RXYLT1: variants seen among roughly 807,000 people sequenced by gnomAD.
The protein encoded by RXYLT1 is ribitol xylosyltransferase 1.
In RXYLT1, 41 loss-of-function variants were observed where a neutral mutation model predicts 43.5. That is an observed-to-expected ratio of 0.94 (90% CI 0.73 to 1.22). RXYLT1 has a LOEUF of 1.22. Ranked by LOEUF, RXYLT1 falls within the 50% of genes most tolerant of loss-of-function variation. RXYLT1 has a pLI of 0.00. For synonymous variants in RXYLT1, 166 were observed against 194.4 expected, an observed-to-expected ratio of 0.85 and a Z score of 1.21; for missense variants, 514 against 532.0, an observed-to-expected ratio of 0.97 and a Z score of 0.33.
At chr12:63,801,352 T>A (rs928081712) in intron 3 of RXYLT1, among the ~76,000 whole-genome samples, 1 of 152,204 alleles carries the variant, frequency 6.6e-6, no homozygotes, top group African/African-American at 2.4e-5. Context: ...TTGAGTCAGA[T>A]GAAGAGTGTA....
intron 2 of RXYLT1, 31 bp from the exon 3 acceptor site, chr12:63,784,939 T>C: frequency 6.3e-7 from 1 of 1,581,550 alleles, no homozygotes. Flanking sequence ...CAGTAAATTG[T>C]TTTGATTTTG....
intron 4 of RXYLT1, among the ~76,000 whole-genome samples, chr12:63,803,181 CAAAAAA>C (rs763579072): frequency 4.0e-4 from 9 of 22,602 alleles, no homozygotes; most frequent in African/African-American, 1.2e-3. Flanking sequence ...ACTGTCTCAC[CAAAAAA>C]AAAAAAAAAA....
At position 63,808,995 on chromosome 12, in the gene RXYLT1, A is replaced by C; in HGVS notation, c.1235A>C (p.Lys412Thr). The C allele has an allele frequency of 6.2e-7, 1 of 1,612,022 alleles. No homozygotes were observed. The change falls in exon 6 of 6, where the codon AAA becomes ACA. Residue 412 changes from lysine (K) to threonine (T), a missense_variant. Transcript: ENST00000261234. ...TTACAAGAAAAAATTGAAAGAAGAA[A>C]AATGTTACTTCAGTGGTATCAGCAC... ...IILQEKIERR[K>T]MLLQWYQHFK...
At chr12:63,794,477 A>C (rs928187762) in intron 3 of RXYLT1, among the ~76,000 whole-genome samples, 15 of 152,184 alleles carry the variant, frequency 9.9e-5, no homozygotes, top group African/African-American at 2.9e-4. Context: ...ATTTCTACCA[A>C]ATAATTGTTG....
At chr12:63,785,638 T>C (rs1897784715) in intron 3 of RXYLT1, among the ~76,000 whole-genome samples, 1 of 152,130 alleles carries the variant, frequency 6.6e-6, no homozygotes, top group South Asian at 2.1e-4. Flanking sequence ...GCATATTTTC[T>C]GAGTGTTTTT....
At chr12:63,801,666 C>T (rs578144123) in intron 3 of RXYLT1, among the ~76,000 whole-genome samples, 66 of 151,840 alleles carry the variant, frequency 4.3e-4, no homozygotes, top group Non-Finnish European at 7.9e-4. Context: ...CAAAAAAATA[C>T]GAAAAATTAC....
At chr12:63,802,952 C>G (rs1005064932) in intron 4 of RXYLT1, among the ~76,000 whole-genome samples, 1 of 150,768 alleles carries the variant, frequency 6.6e-6, no homozygotes, top group Non-Finnish European at 1.5e-5. Context: ...GCAGATTGCT[C>G]GAGTCCAGGA....
At chr12:63,805,574 G>T in intron 5 of RXYLT1, 170 bp downstream of exon 5, 1 of 577,494 alleles carries the variant, frequency 1.7e-6, no homozygotes, top group Non-Finnish European at 2.7e-6. Flanking sequence ...TACACATTTA[G>T]AATAGAGAGA....
At chr12:63,792,596 C>A (rs1897941194) in intron 3 of RXYLT1, among the ~76,000 whole-genome samples, 1 of 152,192 alleles carries the variant, frequency 6.6e-6, no homozygotes, top group Non-Finnish European at 1.5e-5. Context: ...TCCCAGCCAT[C>A]TGGGGTCTTA....
At chr12:63,781,481 G>A (rs1426315792) in intron 2 of RXYLT1, among the ~76,000 whole-genome samples, 2 of 152,170 alleles carry the variant, frequency 1.3e-5, no homozygotes, top group Non-Finnish European at 2.9e-5. Context: ...ATGAATCTGT[G>A]TATTTTTTGG....
chr12:63,804,322 T>A (rs1349702522), intron 4 of RXYLT1: 1 of 152,226 alleles, frequency 6.6e-6, no homozygotes, highest in African/African-American at 2.4e-5. Flanking sequence ...CCCTGTTATA[T>A]ACAAACTGTT....
chr12:63,799,103 A>G (rs1036715040), intron 3 of RXYLT1, among the ~76,000 whole-genome samples: 15 of 152,144 alleles, frequency 9.9e-5, no homozygotes, highest in Admixed American at 2.6e-4. Context: ...ACCATTACCA[A>G]AACACAGGGA....
At position 63,795,169 on chromosome 12, in the gene RXYLT1, A is replaced by C. The variant is rs537072361; in HGVS notation, c.429-6922A>C. Among the ~76,000 whole-genome samples, 7 of 152,122 alleles carry C rather than the reference A, an allele frequency of 4.6e-5. No homozygotes were observed. The South Asian group carries it at 1.5e-3, about 32-fold the overall frequency. Reference sequence around the variant, plus strand: ...AAAATTAGCACCTGTCGTCCCAGGTACTTGCGGGGCTGAGGTGGAAGGATA... The same window carrying C: ...AAAATTAGCACCTGTCGTCCCAGGTCCTTGCGGGGCTGAGGTGGAAGGATA... On this transcript the variant is annotated intron_variant, in intron 3 of 5. Transcript: ENST00000261234.
intron 3 of RXYLT1, among the ~76,000 whole-genome samples, chr12:63,793,807 G>A (rs1442835619): frequency 6.6e-6 from 1 of 152,194 alleles, no homozygotes; most frequent in Non-Finnish European, 1.5e-5. Flanking sequence ...AACACAATTT[G>A]TCATAGAATG....
chr12:63,804,982 G>C (rs1217366696), intron 4 of RXYLT1: 2 of 358,430 alleles, frequency 5.6e-6, no homozygotes. Flanking sequence ...GTTAAAGAAT[G>C]TCAAAAACAA....
At chr12:63,780,420 G>T (rs1259699670) in intron 1 of RXYLT1, 2 of 1,232,240 alleles carry the variant, frequency 1.6e-6, no homozygotes, top group Non-Finnish European at 2.0e-6. Flanking sequence ...AAATGCCAGA[G>T]ATTTGCGGGA....
chr12:63,780,306 C>G, intron 1 of RXYLT1, 177 bp downstream of exon 1: 2 of 1,347,594 alleles, frequency 1.5e-6, no homozygotes, highest in Non-Finnish European at 1.9e-6. Flanking sequence ...GGAGAATGGT[C>G]CTCATTCTTA....
intron 3 of RXYLT1, among the ~76,000 whole-genome samples, chr12:63,786,930 A>G (rs1897816178): frequency 1.3e-5 from 2 of 152,134 alleles, no homozygotes; most frequent in Admixed American, 6.6e-5. Flanking sequence ...CCTGGCTATC[A>G]TCGTGAAACC....
Position 63,781,191 on chromosome 12 carries a change from A to G in RXYLT1, c.325+17A>G, listed in dbSNP as rs377752245. ...CTGCCATTGGTAAGTTAATACGTAG[A>G]AGGAAGACATGTAAAAAGCATTATA... On this transcript the variant is annotated intron_variant, in intron 2 of 5. Transcript: ENST00000261234. 5 of 1,468,954 alleles carry G rather than the reference A, an allele frequency of 3.4e-6. No individual in the cohort carries two copies. The African/African-American group carries it at 7.3e-5, about 21-fold the overall frequency. 91.0% of individuals were successfully genotyped at this position (1,468,954 alleles called of 1,614,324 possible). A position where few individuals can be genotyped will look rare whatever the true frequency, so the allele number is the denominator to read the frequency against.
Sources: allele counts gnomAD v4.1 joint callset (sites outside exome capture counted in the v4.1 genomes callset), GRCh38; gene constraint gnomAD v4.1.1; transcripts MANE v1.5; gene names NCBI Gene and HGNC (gene_info 2026-07-23, HGNC 2026-07-21).